PCDH15: variants seen among roughly 807,000 people sequenced by gnomAD.
PCDH15 encodes protocadherin-15.
A neutral mutation model predicts 178.5 loss-of-function variants in PCDH15; 129 were observed. The ratio of observed to expected loss-of-function variants is 0.72; its 90% CI spans 0.63 to 0.84. The LOEUF is 0.84. PCDH15 is among the 40% of genes least tolerant of loss of function. The pLI is 0.00. For missense variants in PCDH15, 2,230 were observed against 2,099.9 expected (o/e 1.06, Z -1.21); for synonymous variants, 800 against 732.0 (o/e 1.09, Z -1.50).
intron 1 of PCDH15, among the ~76,000 whole-genome samples, chr10:54,701,506 T>C (rs903817248): frequency 6.6e-6 from 1 of 151,890 alleles, no homozygotes; most frequent in Admixed American, 6.6e-5. Context: ...AGGCATAGAG[T>C]GGCATGCTGA....
At chr10:54,918,262 A>G (rs556146630) in intron 2 of PCDH15, among the ~76,000 whole-genome samples, 6 of 152,296 alleles carry the variant, frequency 3.9e-5, no homozygotes, top group African/African-American at 1.4e-4. Context: ...ATTAAACAGA[A>G]AAATCAGATA....
At chr10:54,916,089 T>A (rs1213657853) in intron 2 of PCDH15, among the ~76,000 whole-genome samples, 1 of 151,424 alleles carries the variant, frequency 6.6e-6, no homozygotes, top group Non-Finnish European at 1.5e-5. Flanking sequence ...AGTGCTGGGA[T>A]TACAGGCAAG....
chr10:55,436,347 G>T (rs1390606827), intron 2 of PCDH15, among the ~76,000 whole-genome samples: 1 of 151,972 alleles, frequency 6.6e-6, no homozygotes, highest in African/African-American at 2.4e-5. Context: ...AGACAAAATT[G>T]TTTTGATTAA....
At chr10:54,435,247 T>G (rs1333846432) in intron 3 of PCDH15, among the ~76,000 whole-genome samples, 2 of 152,196 alleles carry the variant, frequency 1.3e-5, no homozygotes, top group East Asian at 1.9e-4. Context: ...TCTTTATTAA[T>G]CACAAAGATG....
intron 2 of PCDH15, among the ~76,000 whole-genome samples, chr10:55,051,263 A>G (rs1841153133): frequency 6.6e-6 from 1 of 152,136 alleles, no homozygotes; most frequent in Admixed American, 6.6e-5. Context: ...GAGGCAAGTA[A>G]TATCAAGTGG....
upstream of PCDH15, among the ~76,000 whole-genome samples, chr10:54,805,770 C>T (rs1031205854): frequency 1.3e-5 from 2 of 152,000 alleles, no homozygotes; most frequent in African/African-American, 4.8e-5. Context: ...AAGGGCAATG[C>T]TCCAAGAAAT....
At chr10:55,122,114 T>C (rs1422372538) in intron 2 of PCDH15, among the ~76,000 whole-genome samples, 1 of 152,198 alleles carries the variant, frequency 6.6e-6, no homozygotes, top group Non-Finnish European at 1.5e-5. Flanking sequence ...TTTTAGAGAA[T>C]GTTAAAGCAT....
At chr10:54,765,253 T>C (rs1187976816) in intron 1 of PCDH15, among the ~76,000 whole-genome samples, 1 of 152,168 alleles carries the variant, frequency 6.6e-6, no homozygotes, top group African/African-American at 2.4e-5. Context: ...CTTTACTCTG[T>C]TGAGCTAAAT....
rs528230232 is a variant in PCDH15, at chr10:55,604,457, A to G, written c.-156+23168T>C. Among the ~76,000 whole-genome samples the G allele has an allele frequency of 8.6e-5, 13 of 151,594 alleles. No individual in the cohort carries two copies. In the South Asian group the frequency reaches 2.7e-3, roughly 32 times the overall value. ...CGGAATATACATTTTTTTCAGCACC[A>G]CACCACACCTATTCCAAAATTGACC... On this transcript the variant is annotated intron_variant, in intron 2 of 5. Transcript: ENST00000613346.
rs1197766590 is a variant in PCDH15 at position 54,436,383 on chromosome 10, T to C, written c.158-57441A>G. 2.6e-5 allele frequency among the ~76,000 whole-genome samples: 4 copies of C among 151,974 alleles called. No individual in the cohort carries two copies. In the South Asian group the frequency reaches 6.2e-4, roughly 24 times the overall value. On this transcript the variant is annotated intron_variant, in intron 3 of 37. Coordinates refer to ENST00000644397, the MANE Select transcript of PCDH15 (RefSeq NM_001384140.1). The stretch of plus-strand genomic sequence containing the variant: ...GACCTTAATATGCAATGTGTTTTGG[T>C]TTACTCATCAGATAAAATATGTTAT...
chr10:55,169,267 A>G (rs1450342260), intron 1 of PCDH15, among the ~76,000 whole-genome samples: 1 of 152,188 alleles, frequency 6.6e-6, no homozygotes, highest in Non-Finnish European at 1.5e-5. Flanking sequence ...GTCATTGCAC[A>G]GTGTATATAT....
chr10:54,873,497 G>A (rs149308975), intron 3 of PCDH15, among the ~76,000 whole-genome samples: 7 of 146,854 alleles, frequency 4.8e-5, no homozygotes, highest in African/African-American at 1.3e-4. Context: ...ATATATATAC[G>A]TGTATGTATA....
At chr10:55,367,938 C>T (rs1845407973) in intron 2 of PCDH15, among the ~76,000 whole-genome samples, 2 of 152,096 alleles carry the variant, frequency 1.3e-5, no homozygotes, top group Non-Finnish European at 2.9e-5. Flanking sequence ...CAGGATTTCT[C>T]AAGAGTAATT....
At chr10:55,248,203 T>G (rs1841735990) in intron 1 of PCDH15, among the ~76,000 whole-genome samples, 1 of 151,836 alleles carries the variant, frequency 6.6e-6, no homozygotes, top group African/African-American at 2.4e-5. Flanking sequence ...TACACATATA[T>G]ATATACACAC....
chr10:55,454,812 T>C (rs555921846), intron 2 of PCDH15, among the ~76,000 whole-genome samples: 210 of 150,368 alleles, frequency 1.4e-3, no homozygotes, highest in African/African-American at 4.9e-3. Context: ...TTTAGCTAGA[T>C]AATCTTTTAT....
At chr10:55,155,270 C>T (rs957007921) in intron 2 of PCDH15, among the ~76,000 whole-genome samples, 1 of 151,368 alleles carries the variant, frequency 6.6e-6, no homozygotes, top group African/African-American at 2.4e-5. Flanking sequence ...GTTTTTCTCT[C>T]TGTTTACTTT....
chr10:55,592,880 C>G (rs1842869802), intron 2 of PCDH15, among the ~76,000 whole-genome samples: 1 of 151,906 alleles, frequency 6.6e-6, no homozygotes, highest in Non-Finnish European at 1.5e-5. Context: ...AATTATAATA[C>G]AAGGCATACA....
At chr10:54,986,493 T>C (rs1839368298) in intron 2 of PCDH15, among the ~76,000 whole-genome samples, 1 of 152,200 alleles carries the variant, frequency 6.6e-6, no homozygotes, top group South Asian at 2.1e-4. Flanking sequence ...AATCTGTATT[T>C]GAATTATTTA....
intron 1 of PCDH15, among the ~76,000 whole-genome samples, chr10:54,728,552 C>T (rs1233338258): frequency 6.6e-6 from 1 of 151,196 alleles, no homozygotes; most frequent in African/African-American, 2.4e-5. Flanking sequence ...CCAGTTTCAC[C>T]AATCCTGTTC....
Sources: gnomAD v4.1 joint callset for allele counts (sites outside exome capture counted in the v4.1 genomes callset) on GRCh38, gnomAD v4.1.1 for gene constraint, MANE v1.5 for transcripts, NCBI Gene and HGNC (gene_info 2026-07-23, HGNC 2026-07-21) for gene names.